The following SDK1 variants were observed in gnomAD, a reference collection of about 807,000 sequenced individuals.
The protein encoded by SDK1 is protein sidekick-1.
A neutral mutation model predicts 245.5 loss-of-function variants in SDK1; 157 were observed. That is an observed-to-expected ratio of 0.64 (90% CI 0.56 to 0.73). The LOEUF (loss-of-function observed/expected upper bound fraction) is 0.73, where lower values mean the gene tolerates loss of function less well. SDK1 is among the 30% of genes least tolerant of loss of function. The pLI, the probability that SDK1 is intolerant of heterozygous loss-of-function variation, is 0.00. For synonymous variants in SDK1, 1,647 were observed against 1,278.5 expected, an observed-to-expected ratio of 1.29 and a Z score of -6.15; for missense variants, 3,583 against 3,002.3, an observed-to-expected ratio of 1.19 and a Z score of -4.52.
chr7:3,524,507 T>C (rs553054445), intron 1 of SDK1, among the ~76,000 whole-genome samples: 1 of 152,288 alleles, frequency 6.6e-6, no homozygotes, highest in East Asian at 1.9e-4. Context: ...AAACAGGCCT[T>C]ACTGACAGAT....
intron 5 of SDK1, among the ~76,000 whole-genome samples, chr7:3,828,377 T>A (rs1180863010): frequency 6.6e-6 from 1 of 152,018 alleles, no homozygotes; most frequent in African/African-American, 2.4e-5. Context: ...ATAACAAAAT[T>A]TCTTCCATTT....
chr7:3,551,488 C>G (rs1458419357), intron 1 of SDK1, among the ~76,000 whole-genome samples: 1 of 151,904 alleles, frequency 6.6e-6, no homozygotes, highest in African/African-American at 2.4e-5. Flanking sequence ...TGATTATGGA[C>G]ACATTTATAC....
chr7:4,226,011 G>T (rs547120951), intron 40 of SDK1, among the ~76,000 whole-genome samples: 8 of 152,314 alleles, frequency 5.3e-5, no homozygotes, highest in Non-Finnish European at 1.0e-4. Flanking sequence ...GCCAGCAGCA[G>T]CTCAGGCAAA....
intron 4 of SDK1, among the ~76,000 whole-genome samples, chr7:3,708,857 A>G (rs924157135): frequency 6.6e-6 from 1 of 152,240 alleles, no homozygotes; most frequent in African/African-American, 2.4e-5. Flanking sequence ...TATTCTGCCC[A>G]TGTGTATCTT....
intron 1 of SDK1, among the ~76,000 whole-genome samples, chr7:3,582,787 C>T (rs1339654388): frequency 6.6e-6 from 1 of 151,322 alleles, no homozygotes; most frequent in Admixed American, 6.6e-5. Context: ...AATAGAGTTC[C>T]CTTTCACGTT....
intron 1 of SDK1, among the ~76,000 whole-genome samples, chr7:3,488,325 G>A (rs1361295618): frequency 6.6e-6 from 1 of 151,810 alleles, no homozygotes; most frequent in Admixed American, 6.6e-5. Context: ...TTGATATGCA[G>A]CGTCCTTACT....
At chr7:3,608,105 TGTGTTACTC>T (rs1781478778) in intron 1 of SDK1, among the ~76,000 whole-genome samples, 1 of 152,206 alleles carries the variant, frequency 6.6e-6, no homozygotes, top group Non-Finnish European at 1.5e-5. Context: ...CACCAGCTGG[TGTGTTACTC>T]ATCCGTGCCA....
rs187630058 is a variant in SDK1, at chr7:3,372,009, G to T, written c.298+70125G>T. ...CTTGTCTATTAAATGCTAGGAATCT[G>T]TAAGGCTGTGGTTCAGTAACTGTCA... On this transcript the variant is annotated intron_variant, in intron 1 of 44. Coordinates refer to ENST00000404826, the MANE Select transcript of SDK1 (RefSeq NM_152744.4). Among the ~76,000 whole-genome samples the T allele has an allele frequency of 1.2e-4, 19 of 152,328 alleles. No homozygotes were observed. In the East Asian group the frequency reaches 2.9e-3, roughly 23 times the overall value.
intron 1 of SDK1, among the ~76,000 whole-genome samples, chr7:3,560,798 C>T (rs983591913): frequency 6.6e-6 from 1 of 152,210 alleles, no homozygotes; most frequent in Admixed American, 6.5e-5. Flanking sequence ...TCCAGCCTCT[C>T]TGGCCTCTTT....
At chr7:3,466,223 C>G (rs905348310) in intron 1 of SDK1, among the ~76,000 whole-genome samples, 3 of 151,740 alleles carry the variant, frequency 2.0e-5, no homozygotes, top group Non-Finnish European at 4.4e-5. Context: ...CTTAGGAGTC[C>G]TAAGGCAGAT....
chr7:4,080,656 A>G (rs1253553752), intron 22 of SDK1, among the ~76,000 whole-genome samples: 1 of 152,164 alleles, frequency 6.6e-6, no homozygotes, highest in African/African-American at 2.4e-5. Context: ...TTTACTTAGG[A>G]AAAATAGCAG....
chr7:3,616,929 C>T (rs375537779), intron 1 of SDK1, among the ~76,000 whole-genome samples: 4 of 151,940 alleles, frequency 2.6e-5, no homozygotes, highest in South Asian at 2.1e-4. Flanking sequence ...AGAAATTTTC[C>T]GTATTAAGGA....
In SDK1 at chr7:3,851,294, G is replaced by A. The variant is rs141931183; in HGVS notation, c.847+29711G>A. On this transcript the variant is annotated intron_variant, in intron 5 of 44. Coordinates refer to ENST00000404826, the MANE Select transcript of SDK1 (RefSeq NM_152744.4). ...GTCTTTTTTAATTGAATTATTTGGC[G>A]TTATTAACATTTTAATGAAGGAATT... 6.7e-4 allele frequency among the ~76,000 whole-genome samples: 102 copies of A among 151,990 alleles called. No individual in the cohort carries two copies. The Middle Eastern group carries it at 0.01, about 15-fold the overall frequency.
intron 1 of SDK1, among the ~76,000 whole-genome samples, chr7:3,529,783 G>C (rs1051503215): frequency 1.3e-5 from 2 of 152,158 alleles, no homozygotes; most frequent in Admixed American, 6.6e-5. Context: ...CTGGTGACCA[G>C]GTGGTCGAGG....
At chr7:3,944,657 A>G (rs1366815413) in intron 5 of SDK1, among the ~76,000 whole-genome samples, 1 of 152,250 alleles carries the variant, frequency 6.6e-6, no homozygotes, top group Non-Finnish European at 1.5e-5. Context: ...TAGAAAAGCC[A>G]TCATGGCAGG....
At chr7:3,952,597 T>A (rs1348236817) in intron 7 of SDK1, among the ~76,000 whole-genome samples, 1 of 152,086 alleles carries the variant, frequency 6.6e-6, no homozygotes, top group African/African-American at 2.4e-5. Context: ...AAAAAAATTA[T>A]TAATTTAGAA....
At chr7:3,457,825 GTCTC>G (rs951721198) in intron 1 of SDK1, among the ~76,000 whole-genome samples, 2 of 152,204 alleles carry the variant, frequency 1.3e-5, no homozygotes, top group East Asian at 1.9e-4. Context: ...TGGACTCCAT[GTCTC>G]TCTCTCTTTC....
intron 4 of SDK1, among the ~76,000 whole-genome samples, chr7:3,750,170 T>G (rs1779734958): frequency 6.6e-6 from 1 of 152,246 alleles, no homozygotes; most frequent in Admixed American, 6.5e-5. Context: ...TCGTATTTGT[T>G]TATCATTGCA....
In SDK1 at chr7:4,139,601, A is replaced by G. The variant is rs1424372070; in HGVS notation, c.4229-6121A>G. Among the ~76,000 whole-genome samples, 378 of 70,978 alleles carry G rather than the reference A, an allele frequency of 5.3e-3. 40 individuals are homozygous for G. The highest frequency in any genetic ancestry group is 0.017 in the African/African-American group (355 of 21,494). The allele number at this position is 70,978 out of a possible 152,430, so 46.6% of individuals were successfully genotyped here. A position where few individuals can be genotyped will look rare whatever the true frequency, so the allele number is the denominator to read the frequency against. ...TGTGTGTATGTGTGTGTATATGTAT[A>G]TATGTGTGTGTATATGTGTGTGTGT... is the stretch of plus-strand genomic sequence containing the variant. On this transcript the variant is annotated intron_variant, in intron 28 of 44. Coordinates refer to ENST00000404826, the MANE Select transcript of SDK1 (RefSeq NM_152744.4).
Sources: gnomAD v4.1 joint callset for allele counts (sites outside exome capture counted in the v4.1 genomes callset) on GRCh38, gnomAD v4.1.1 for gene constraint, MANE v1.5 for transcripts, NCBI Gene and HGNC (gene_info 2026-07-23, HGNC 2026-07-21) for gene names.